The following MAK16 variants were observed in gnomAD, a reference collection of about 807,000 sequenced individuals.
The protein encoded by MAK16 is MAK16 homolog.
In MAK16, 12 loss-of-function variants were observed where a neutral mutation model predicts 49.9. The ratio of observed to expected loss-of-function variants is 0.24; its 90% CI spans 0.15 to 0.39. MAK16 has a LOEUF of 0.39. Among genes scored for constraint, MAK16 ranks in the 10% least tolerant of loss-of-function variants. The pLI is 1.00. For synonymous variants in MAK16, 115 were observed against 126.4 expected (o/e 0.91, Z 0.60); for missense variants, 292 against 363.7 (o/e 0.80, Z 1.60).
Position 33,500,565 on chromosome 8 carries a change from C to G in MAK16, c.*1936C>G. 1 of 1,555,428 alleles carries G rather than the reference C, an allele frequency of 6.4e-7. No individual in the cohort carries two copies. The highest frequency in any genetic ancestry group is 1.2e-5 in the South Asian group (1 of 86,274). On this transcript the variant is annotated 3_prime_UTR_variant, in exon 10 of 10. Coordinates refer to ENST00000360128, the MANE Select transcript of MAK16 (RefSeq NM_032509.4). ...AATTGGAAGAGACTTCAAAGACTGTCAAGTGGAAAGCTATCATTTCCTAAA... is the reference window on the plus strand; with the variant it reads ...AATTGGAAGAGACTTCAAAGACTGTGAAGTGGAAAGCTATCATTTCCTAAA...
chr8:33,497,337 G>GAAA, intron 9 of MAK16, 40 bp downstream of exon 9: 4 of 595,198 alleles, frequency 6.7e-6, no homozygotes, highest in Admixed American at 7.0e-5. Flanking sequence ...TTGGCCTGCA[G>GAAA]CAAAAAAAAA....
chr8:33,498,378 T>C (rs1410612355), intron 9 of MAK16, 54 bp from the exon 10 acceptor site: 8 of 1,529,382 alleles, frequency 5.2e-6, no homozygotes, highest in Non-Finnish European at 6.3e-6. Flanking sequence ...GGAAGGGAGT[T>C]TGGAGAAATC....
intron 6 of MAK16, among the ~76,000 whole-genome samples, chr8:33,494,415 A>G (rs1808824332): frequency 6.6e-6 from 1 of 152,222 alleles, no homozygotes. Context: ...TTAGATAACC[A>G]GCATACTTTT....
chr8:33,494,628 C>T (rs1034783560), intron 6 of MAK16, among the ~76,000 whole-genome samples: 1 of 152,086 alleles, frequency 6.6e-6, no homozygotes, highest in African/African-American at 2.4e-5. Context: ...AGTCAAGGCA[C>T]CAATGTCAGT....
chr8:33,490,202 A>AT, intron 5 of MAK16, 83 bp from the exon 6 acceptor site: 7 of 1,192,324 alleles, frequency 5.9e-6, no homozygotes, highest in Non-Finnish European at 8.6e-6. Context: ...TTAGTCACCA[A>AT]TTCCAATCCT....
intron 1 of MAK16, among the ~76,000 whole-genome samples, chr8:33,487,109 C>T (rs764590772): frequency 9.9e-5 from 15 of 152,112 alleles, no homozygotes; most frequent in Non-Finnish European, 1.2e-4. Context: ...CTCAAGGCAG[C>T]GCACTCAAAG....
In MAK16 at chr8:33,489,754, C is replaced by T. The variant is rs987872595; in HGVS notation, c.393-531C>T. Among the ~76,000 whole-genome samples the T allele has an allele frequency of 1.3e-5, 2 of 152,104 alleles. No homozygotes were observed. Among genetic ancestry groups the T allele is most frequent in the African/African-American group, 4.8e-5 (2 of 41,428 alleles). On this transcript the variant is annotated intron_variant, in intron 5 of 9. Transcript: ENST00000360128. This position sits in a 1 kb window ranked among gnomAD's most constrained non-coding sequence, Gnocchi z 4.2. ...AAATGATCTAAGACATGTGACTATA[C>T]AGGAATGTAAGAACTTTACTCTGGA...
chr8:33,488,298 C>T (rs1808719505), intron 1 of MAK16, 80 bp from the exon 2 acceptor site: 7 of 1,385,850 alleles, frequency 5.1e-6, no homozygotes, highest in Non-Finnish European at 6.1e-6. Context: ...TCATTCCTGT[C>T]CTTGGGCATT....
chr8:33,488,735 A>G lies in MAK16; in HGVS notation c.177A>G (p.Gly59=), dbSNP rs761937701. The change falls in exon 4 of 10, where the codon GGA becomes GGG. Residue 59 remains glycine, a splice_region_variant and synonymous_variant. Coordinates refer to ENST00000360128, the MANE Select transcript of MAK16 (RefSeq NM_032509.4). ...AAAGCTATTTTACTTTATCTTCAGG[A>G]CAGTGCTACTTGTATATGAAGGTTA... is the stretch of plus-strand genomic sequence containing the variant. The part of the protein sequence containing the change: ...SQYATIKEEK[G]QCYLYMKVIE... 5.0e-6 allele frequency: 8 copies of G among 1,614,170 alleles called. No individual in the cohort carries two copies. The South Asian group carries it at 8.8e-5, about 18-fold the overall frequency.
chr8:33,496,586 C>A, intron 7 of MAK16, 39 bp from the exon 8 acceptor site: 1 of 1,496,802 alleles, frequency 6.7e-7, no homozygotes, highest in Non-Finnish European at 9.2e-7. Context: ...GTGTAATATC[C>A]AAATGTAGTT....
In MAK16 at chr8:33,497,263, G is replaced by C. The variant is rs1187433754; in HGVS notation, c.671G>C (p.Gly224Ala). The C allele has an allele frequency of 1.2e-6, 2 of 1,611,750 alleles. No individual in the cohort carries two copies. Among genetic ancestry groups the C allele is most frequent in the African/African-American group, 1.3e-5 (1 of 74,648 alleles). The change falls in exon 9 of 10, where the codon GGT (glycine) becomes GCT (alanine). Residue 224 changes from glycine to alanine, a missense_variant. Gly to Ala is a moderately conservative substitution (Grantham distance 60). Coordinates refer to ENST00000360128, the MANE Select transcript of MAK16 (RefSeq NM_032509.4). ...DVGKREFVED[G>A]EVDESDISDF... is the part of the protein sequence containing the mutation. The stretch of plus-strand genomic sequence containing the variant: ...GGGAAAAGAGAATTTGTCGAAGATG[G>C]TGAGGTAGATGAGAGTGACATAAGT...
In MAK16 at chr8:33,489,256, T is replaced by C. The variant is rs1409392147; in HGVS notation, c.392+117T>C. 9.1e-6 allele frequency: 8 copies of C among 876,788 alleles called. No individual in the cohort carries two copies. The East Asian group carries it at 1.8e-4, about 20-fold the overall frequency. The allele number at this position is 876,788 out of a possible 1,614,324, so 54.3% of individuals were successfully genotyped here. A position where few individuals can be genotyped will look rare whatever the true frequency, so the allele number is the denominator to read the frequency against. On this transcript the variant is annotated intron_variant, in intron 5 of 9. Transcript: ENST00000360128. This position sits in a 1 kb window ranked among gnomAD's most constrained non-coding sequence, Gnocchi z 4.2. Reference sequence around the variant, plus strand: ...TTCAACTTTGTGGAGTCTGTTATGATGTACTAAAGAGAAACTTTAGCTTTG... The same window carrying C: ...TTCAACTTTGTGGAGTCTGTTATGACGTACTAAAGAGAAACTTTAGCTTTG...
At chr8:33,485,698 T>C (rs1479299256) in intron 1 of MAK16, 1 of 170,086 alleles carries the variant, frequency 5.9e-6, no homozygotes, top group Non-Finnish European at 1.3e-5. Flanking sequence ...CCTAGATTCA[T>C]TCATTGAGTT....
At chr8:33,485,271 T>G in intron 1 of MAK16, 50 bp downstream of exon 1, 1 of 1,613,998 alleles carries the variant, frequency 6.2e-7, no homozygotes, top group Non-Finnish European at 8.5e-7. Context: ...CAGGGAATTT[T>G]GCCCATTTTC....
At chr8:33,497,092 C>A in intron 8 of MAK16, 140 bp from the exon 9 acceptor site, 1 of 608,328 alleles carries the variant, frequency 1.6e-6, no homozygotes, top group African/African-American at 1.9e-5. Flanking sequence ...AATTCAGAAG[C>A]ATTAAATTTA....
chr8:33,485,405 C>T lies in MAK16; in HGVS notation c.15+184C>T, dbSNP rs532758808. On this transcript the variant is annotated intron_variant, in intron 1 of 9. Transcript: ENST00000360128. ...GTGTCTAGCAGGGGTTTACTGCCCG[C>T]TGCCCCGGCCGGGTTGTGAGCACAG... 157 of 752,104 alleles carry T rather than the reference C, an allele frequency of 2.1e-4. 3 individuals are homozygous for T. The South Asian group carries it at 2.5e-3, about 12-fold the overall frequency. The allele number at this position is 752,104 out of a possible 1,614,324, so 46.6% of individuals were successfully genotyped here. A position where few individuals can be genotyped will look rare whatever the true frequency, so the allele number is the denominator to read the frequency against.
chr8:33,494,021 G>A (rs1808817302), intron 6 of MAK16, among the ~76,000 whole-genome samples: 1 of 151,860 alleles, frequency 6.6e-6, no homozygotes, highest in South Asian at 2.1e-4. Flanking sequence ...AATGTCTACT[G>A]GGTTACATAA....
chr8:33,485,262 A>C (rs1160507767), intron 1 of MAK16, 41 bp downstream of exon 1: 1 of 1,614,092 alleles, frequency 6.2e-7, no homozygotes, highest in Non-Finnish European at 8.5e-7. Flanking sequence ...GGGTTTGCGC[A>C]GGGAATTTTG....
rs932612429 is a variant in MAK16 at position 33,497,276 on chromosome 8, G to C, written c.684G>C (p.Glu228Asp). Residue 228 changes from glutamate (E) to aspartate (D), a missense_variant, in exon 9 of 10, where the codon GAG (glutamate) becomes GAC (aspartate). Physicochemically the swap from Glu to Asp is conservative, Grantham distance 45 (BLOSUM62 2). Transcript: ENST00000360128. ...TTGTCGAAGATGGTGAGGTAGATGA[G>C]AGTGACATAAGTGATTTTGAGGTGA... ...REFVEDGEVD[E>D]SDISDFEDMD... 3 of 1,604,860 alleles carry C rather than the reference G, an allele frequency of 1.9e-6. No individual in the cohort carries two copies. The highest frequency in any genetic ancestry group is 1.4e-5 in the African/African-American group (1 of 73,414).
Sources: gnomAD v4.1 joint callset for allele counts (sites outside exome capture counted in the v4.1 genomes callset) on GRCh38, gnomAD v4.1.1 for gene constraint, Gnocchi (gnomAD v3.1) non-coding constraint, MANE v1.5 for transcripts, NCBI Gene and HGNC (gene_info 2026-07-23, HGNC 2026-07-21) for gene names.